Variants in PCDHGA6 observed in about 807,000 individuals in gnomAD.
PCDHGA6 encodes the protein protocadherin gamma subfamily A, 6.
Under a neutral mutation model 60.6 loss-of-function variants are expected in PCDHGA6, and 41 were observed. That is an observed-to-expected ratio of 0.68 (90% CI 0.53 to 0.88). The LOEUF (loss-of-function observed/expected upper bound fraction) is 0.88. Ranked by LOEUF, PCDHGA6 falls within the 40% of genes least tolerant of loss-of-function variation. The pLI is 0.00. For missense variants in PCDHGA6, 1,312 were observed against 1,203.0 expected, an observed-to-expected ratio of 1.09 and a Z score of -1.34; for synonymous variants, 594 against 524.4, an observed-to-expected ratio of 1.13 and a Z score of -1.81.
rs2095356668 is a variant in PCDHGA6, at chr5:141,410,094, C to T, written c.2424+33587C>T. Reference sequence around the variant, plus strand: ...ACTGGGGAGGTGCGCACGGCTCGAGCCTTAGGCGACAGGGACGCAGCCCGC... The same window carrying T: ...ACTGGGGAGGTGCGCACGGCTCGAGTCTTAGGCGACAGGGACGCAGCCCGC... On this transcript the variant is annotated intron_variant, in intron 1 of 3. Coordinates refer to ENST00000517434, the MANE Select transcript of PCDHGA6 (RefSeq NM_018919.3). 6.2e-7 allele frequency: 1 copy of T among 1,612,528 alleles called. No homozygotes were observed. Among genetic ancestry groups the T allele is most frequent in the Non-Finnish European group, 8.5e-7 (1 of 1,179,670 alleles).
Position 141,487,928 on chromosome 5 carries a change from A to G in PCDHGA6, c.2425-6879A>G. Reference sequence around the variant, plus strand: ...GGGAGCACAGGAGGCTACAGTGCACAGGGTACAGTGCACCAGGCAGTCACT... The same window carrying G: ...GGGAGCACAGGAGGCTACAGTGCACGGGGTACAGTGCACCAGGCAGTCACT... On this transcript the variant is annotated intron_variant, in intron 1 of 3. Transcript: ENST00000517434. The surrounding 1 kb of genome is among the most constrained non-coding windows in gnomAD (Gnocchi z 5.0). The G allele has an allele frequency of 3.2e-6, 2 of 620,886 alleles. No homozygotes were observed. The highest frequency in any genetic ancestry group is 5.6e-6 in the Non-Finnish European group (2 of 355,916). The allele number at this position is 620,886 out of a possible 1,614,324, so 38.5% of individuals were successfully genotyped here. A position where few individuals can be genotyped will look rare whatever the true frequency, so the allele number is the denominator to read the frequency against.
intron 1 of PCDHGA6, chr5:141,378,580 C>T (rs999014628): frequency 2.6e-5 from 4 of 152,056 alleles, no homozygotes; most frequent in Non-Finnish European, 5.9e-5. Flanking sequence ...AAAACATGCT[C>T]GGTAGTGTCT....
At chr5:141,388,957 C>T (rs1378746840) in intron 1 of PCDHGA6, 7 of 1,613,822 alleles carry the variant, frequency 4.3e-6, no homozygotes, top group Non-Finnish European at 5.9e-6. Flanking sequence ...ATGGAGGACG[C>T]CGAGCTGGGA....
chr5:141,421,916 G>T (rs754653877), intron 1 of PCDHGA6: 1 of 1,613,528 alleles, frequency 6.2e-7, no homozygotes. Flanking sequence ...GTTCCCATTC[G>T]TGTGGTGGTC....
At chr5:141,403,596 C>G (rs746360206) in intron 1 of PCDHGA6, 16 of 1,613,650 alleles carry the variant, frequency 9.9e-6, no homozygotes, top group African/African-American at 2.7e-5. Flanking sequence ...CTCACGGCCT[C>G]GGATGGCGGC....
chr5:141,485,344 C>G lies in PCDHGA6; in HGVS notation c.2425-9463C>G. On this transcript the variant is annotated intron_variant, in intron 1 of 3. Coordinates refer to ENST00000517434, the MANE Select transcript of PCDHGA6 (RefSeq NM_018919.3). This position sits in a 1 kb window ranked among gnomAD's most constrained non-coding sequence, Gnocchi z 5.7. ...CTCAAGATTTCCTGCTGGATACGGA[C>G]AGTCTGTCAGCTCGCAGGCTGCAGG... 6.2e-7 allele frequency: 1 copy of G among 1,614,116 alleles called. No individual in the cohort carries two copies. The highest frequency in any genetic ancestry group is 8.5e-7 in the Non-Finnish European group (1 of 1,180,004).
intron 1 of PCDHGA6, chr5:141,427,985 C>T (rs747784722): frequency 3.1e-6 from 5 of 1,597,522 alleles, no homozygotes; most frequent in African/African-American, 2.7e-5. Context: ...CGCTGGGGCC[C>T]GATGGCTCCG....
chr5:141,495,726 C>T (rs2099763293), intron 2 of PCDHGA6, among the ~76,000 whole-genome samples: 1 of 152,070 alleles, frequency 6.6e-6, no homozygotes, highest in Non-Finnish European at 1.5e-5. Flanking sequence ...ACACGGGACC[C>T]TTAGTCTCTT....
intron 1 of PCDHGA6, 84 bp from the exon 2 acceptor site, chr5:141,494,723 C>T: frequency 1.9e-6 from 3 of 1,606,114 alleles, no homozygotes; most frequent in Non-Finnish European, 2.6e-6. Flanking sequence ...TCCCCTCCTT[C>T]TCTCCCGGCC....
At position 141,432,898 on chromosome 5, in the gene PCDHGA6, G is replaced by C. The variant is rs746913952; in HGVS notation, c.2424+56391G>C. ...TGGCCTTCGTCATCTTGCTGCTGGC[G>C]CTCAGGCTGCGGCGCTGGCACAAGT... On this transcript the variant is annotated intron_variant, in intron 1 of 3. Coordinates refer to ENST00000517434, the MANE Select transcript of PCDHGA6 (RefSeq NM_018919.3). The surrounding 1 kb of genome is among the most constrained non-coding windows in gnomAD (Gnocchi z 6.0). 28 of 1,614,056 alleles carry C rather than the reference G, an allele frequency of 1.7e-5. No individual in the cohort carries two copies. In the African/African-American group the frequency reaches 2.4e-4, roughly 14 times the overall value.
At chr5:141,428,004 G>C in intron 1 of PCDHGA6, 1 of 1,601,732 alleles carries the variant, frequency 6.2e-7, no homozygotes, top group East Asian at 2.2e-5. Context: ...CGCACTCTTC[G>C]ATATAGTGCC....
At chr5:141,408,851 G>C in intron 1 of PCDHGA6, 1 of 1,613,574 alleles carries the variant, frequency 6.2e-7, no homozygotes, top group Non-Finnish European at 8.5e-7. Flanking sequence ...TGCCTTGGAC[G>C]GAGGGGACCC....
intron 1 of PCDHGA6, among the ~76,000 whole-genome samples, chr5:141,484,009 T>A (rs1157069536): frequency 7.1e-5 from 1 of 14,094 alleles, no homozygotes; most frequent in African/African-American, 2.8e-4. Flanking sequence ...TGGATGAGGG[T>A]GGGGGTGGGG....
chr5:141,432,276 C>G lies in PCDHGA6; in HGVS notation c.2424+55769C>G, dbSNP rs747589363. ...GGGGCAAGCCTATCGTCCTACGTGT[C>G]CATCAACTCCGACACTGGGGTACTG... On this transcript the variant is annotated intron_variant, in intron 1 of 3. Transcript: ENST00000517434. The surrounding 1 kb of genome is among the most constrained non-coding windows in gnomAD (Gnocchi z 6.0). 6.2e-7 allele frequency: 1 copy of G among 1,614,236 alleles called. No homozygotes were observed. Among genetic ancestry groups the G allele is most frequent in the Non-Finnish European group, 8.5e-7 (1 of 1,180,044 alleles).
intron 1 of PCDHGA6, chr5:141,404,805 C>T (rs770534822): frequency 1.7e-5 from 28 of 1,613,842 alleles, no homozygotes; most frequent in Admixed American, 6.7e-5. Context: ...GGGCTCTTCT[C>T]GGTGGGGCTG....
intron 1 of PCDHGA6, chr5:141,478,053 T>A (rs1461280529): frequency 1.2e-6 from 2 of 1,614,010 alleles, no homozygotes; most frequent in Non-Finnish European, 1.7e-6. Context: ...ACTCTCACGG[T>A]CTTGATCAAA....
rs754225999 is a variant in PCDHGA6, at chr5:141,489,509, T to C, written c.2425-5298T>C. The C allele has an allele frequency of 1.2e-6, 2 of 1,614,062 alleles. No homozygotes were observed. The highest frequency in any genetic ancestry group is 1.1e-5 in the South Asian group (1 of 91,074). On this transcript the variant is annotated intron_variant, in intron 1 of 3. Coordinates refer to ENST00000517434, the MANE Select transcript of PCDHGA6 (RefSeq NM_018919.3). The surrounding 1 kb of genome is among the most constrained non-coding windows in gnomAD (Gnocchi z 4.5). ...GGTGCCCTGGCAGTGAATCAAAAGA[T>C]TGACCGAGAAAGCCTATGTGGAGCC...
At chr5:141,462,800 A>C (rs1039129881) in intron 1 of PCDHGA6, among the ~76,000 whole-genome samples, 2 of 152,128 alleles carry the variant, frequency 1.3e-5, no homozygotes, top group Non-Finnish European at 2.9e-5. Flanking sequence ...TTGCATGTCT[A>C]ATAATGTTTT....
At chr5:141,385,129 G>T in intron 1 of PCDHGA6, 1 of 1,614,200 alleles carries the variant, frequency 6.2e-7, no homozygotes, top group South Asian at 1.1e-5. Context: ...TGTGGGCATG[G>T]ACGGGGTGCA....
Sources: gnomAD v4.1 joint callset for allele counts (sites outside exome capture counted in the v4.1 genomes callset) on GRCh38, gnomAD v4.1.1 for gene constraint, Gnocchi (gnomAD v3.1) non-coding constraint, MANE v1.5 for transcripts, NCBI Gene and HGNC (gene_info 2026-07-23, HGNC 2026-07-21) for gene names.